The following FARSB variants were observed in gnomAD, a reference collection of about 807,000 sequenced individuals.
FARSB encodes the protein phenylalanine--tRNA ligase beta subunit.
A neutral mutation model predicts 69.6 loss-of-function variants in FARSB; 40 were observed. That is an observed-to-expected ratio of 0.57 (90% CI 0.45 to 0.75). FARSB has a LOEUF of 0.75. Among genes scored for constraint, FARSB ranks in the 30% least tolerant of loss-of-function variants. The pLI, the probability that FARSB is intolerant of heterozygous loss-of-function variation, is 0.00. For synonymous variants in FARSB, 235 were observed against 247.2 expected (o/e 0.95, Z 0.46); for missense variants, 632 against 722.9 (o/e 0.87, Z 1.44).
chr2:222,598,186 T>C (rs1189625814), intron 16 of FARSB, among the ~76,000 whole-genome samples: 1 of 152,240 alleles, frequency 6.6e-6, no homozygotes, highest in Non-Finnish European at 1.5e-5. Flanking sequence ...ACAATCATTT[T>C]AACATCTTGG....
intron 16 of FARSB, among the ~76,000 whole-genome samples, chr2:222,583,896 C>A (rs1341130801): frequency 2.6e-5 from 4 of 152,150 alleles, no homozygotes; most frequent in African/African-American, 7.2e-5. Context: ...AAATGCCTTT[C>A]ACCATGATTT....
chr2:222,641,539 T>C (rs888844798), intron 3 of FARSB, among the ~76,000 whole-genome samples: 2 of 152,188 alleles, frequency 1.3e-5, no homozygotes, highest in African/African-American at 4.8e-5. Context: ...TTAATAGGTG[T>C]TGGGTGGCGA....
Position 222,571,948 on chromosome 2 carries a change from G to A in FARSB, c.1693C>T (p.His565Tyr). Residue 565 changes from histidine (H) to tyrosine (Y), a missense_variant, in exon 17 of 17, where the codon CAT becomes TAT. By Grantham distance (83) the His-to-Tyr change is moderately conservative. Coordinates refer to ENST00000281828, the MANE Select transcript of FARSB (RefSeq NM_005687.5). ...TCAAATTTGGTGATAACGTCAGGAT[G>A]AAGGACCCCAAGCTTCCCGACGCTT... ...GQSVGKLGVL[H>Y]PDVITKFELT... 4 of 1,613,860 alleles carry A rather than the reference G, an allele frequency of 2.5e-6. No individual in the cohort carries two copies. The highest frequency in any genetic ancestry group is 3.4e-6 in the Non-Finnish European group (4 of 1,179,880).
At chr2:222,652,577 T>A (rs529481539) in intron 1 of FARSB, among the ~76,000 whole-genome samples, 1 of 152,202 alleles carries the variant, frequency 6.6e-6, no homozygotes, top group Non-Finnish European at 1.5e-5. Context: ...AGTAGTCCTA[T>A]GGAGAGGATA....
intron 13 of FARSB, among the ~76,000 whole-genome samples, chr2:222,622,235 C>T (rs568891889): frequency 6.6e-6 from 1 of 152,274 alleles, no homozygotes; most frequent in East Asian, 1.9e-4. Context: ...TGTGCTCCTT[C>T]GAAGACACAT....
At chr2:222,611,475 C>T (rs1010477941) in intron 15 of FARSB, among the ~76,000 whole-genome samples, 1 of 151,812 alleles carries the variant, frequency 6.6e-6, no homozygotes, top group Non-Finnish European at 1.5e-5. Flanking sequence ...GAGACAGGGT[C>T]TTACTCTGTT....
At chr2:222,632,828 AAAC>A (rs1186350398) in intron 7 of FARSB, among the ~76,000 whole-genome samples, 4 of 151,714 alleles carry the variant, frequency 2.6e-5, no homozygotes, top group South Asian at 4.1e-4. Flanking sequence ...ACAAAACAAA[AAAC>A]AACAACAACA....
chr2:222,601,399 A>G (rs957992519), intron 15 of FARSB, among the ~76,000 whole-genome samples: 1 of 152,030 alleles, frequency 6.6e-6, no homozygotes, highest in Admixed American at 6.6e-5. Context: ...CAACATAGCA[A>G]TACCCCATCT....
intron 1 of FARSB, among the ~76,000 whole-genome samples, chr2:222,654,659 C>T (rs1459621760): frequency 2.0e-5 from 3 of 152,164 alleles, no homozygotes; most frequent in Non-Finnish European, 4.4e-5. Flanking sequence ...CTTGTATTTC[C>T]TTTACTTTCA....
chr2:222,598,937 T>C (rs1311673239), intron 16 of FARSB, among the ~76,000 whole-genome samples: 1 of 134,170 alleles, frequency 7.5e-6, no homozygotes, highest in Non-Finnish European at 1.7e-5. Context: ...ATCTCTCATT[T>C]ATTTAAAAAA....
At chr2:222,644,137 A>G (rs1469618063) in intron 2 of FARSB, among the ~76,000 whole-genome samples, 1 of 152,154 alleles carries the variant, frequency 6.6e-6, no homozygotes, top group Non-Finnish European at 1.5e-5. Context: ...CACTGCCACA[A>G]TATAAGTAGT....
At chr2:222,614,216 T>C (rs1407904005) in intron 14 of FARSB, among the ~76,000 whole-genome samples, 1 of 152,248 alleles carries the variant, frequency 6.6e-6, no homozygotes, top group Admixed American at 6.5e-5. Context: ...TTTGCTTATA[T>C]CTAAGCCTTG....
chr2:222,622,811 G>A (rs1691173886), intron 13 of FARSB, among the ~76,000 whole-genome samples: 2 of 152,166 alleles, frequency 1.3e-5, no homozygotes, highest in South Asian at 2.1e-4. Context: ...CTCAGCCTCA[G>A]GCTTCCTCAT....
intron 16 of FARSB, among the ~76,000 whole-genome samples, chr2:222,577,927 C>T (rs1263615971): frequency 6.6e-6 from 1 of 152,196 alleles, no homozygotes; most frequent in Non-Finnish European, 1.5e-5. Context: ...CTCATGCACA[C>T]ATGCACACTC....
chr2:222,596,921 C>T (rs1345345834), intron 16 of FARSB, among the ~76,000 whole-genome samples: 1 of 151,880 alleles, frequency 6.6e-6, no homozygotes, highest in Non-Finnish European at 1.5e-5. Context: ...TTTCTTCAAC[C>T]ATAAACAAAA....
intron 7 of FARSB, among the ~76,000 whole-genome samples, chr2:222,632,154 CCT>C (rs1691447950): frequency 6.6e-6 from 1 of 151,796 alleles, no homozygotes; most frequent in Non-Finnish European, 1.5e-5. Context: ...AAAAAAAAAA[CCT>C]AACATCTTAA....
At chr2:222,573,492 T>G (rs1455178899) in intron 16 of FARSB, among the ~76,000 whole-genome samples, 1 of 152,182 alleles carries the variant, frequency 6.6e-6, no homozygotes, top group East Asian at 1.9e-4. Flanking sequence ...AGTTTCATAT[T>G]AATATGAATA....
chr2:222,656,089 C>T lies in FARSB; in HGVS notation c.-16G>A. ...CAGTCGGCATGGTGTGTCGAACTCA[C>T]TGCGCCTGCGCAGCGAGCTGACCCG... On this transcript the variant is annotated 5_prime_UTR_variant, in exon 1 of 17. The change creates a new upstream start codon in the 5' untranslated region. Transcript: ENST00000281828. 1 of 1,577,308 alleles carries T rather than the reference C, an allele frequency of 6.3e-7. No individual in the cohort carries two copies. Among genetic ancestry groups the T allele is most frequent in the Non-Finnish European group, 8.6e-7 (1 of 1,163,150 alleles).
chr2:222,604,974 A>G (rs1690663126), intron 15 of FARSB, among the ~76,000 whole-genome samples: 1 of 138,892 alleles, frequency 7.2e-6, no homozygotes, highest in Non-Finnish European at 1.6e-5. Context: ...GGCCATATCT[A>G]TGCCAGCTGA....
Sources: gnomAD v4.1 joint callset for allele counts (sites outside exome capture counted in the v4.1 genomes callset) on GRCh38, gnomAD v4.1.1 for gene constraint, MANE v1.5 for transcripts, NCBI Gene and HGNC (gene_info 2026-07-23, HGNC 2026-07-21) for gene names.